The following TNS2 variants were observed in gnomAD, a reference collection of about 807,000 sequenced individuals.
TNS2 encodes tensin-2.
In TNS2, 77 loss-of-function variants were observed where a neutral mutation model predicts 155.7. That is an observed-to-expected ratio of 0.49 (90% CI 0.41 to 0.60). The LOEUF is 0.60. Among genes scored for constraint, TNS2 ranks in the 20% least tolerant of loss-of-function variants. TNS2 has a pLI of 0.00. For missense variants in TNS2, 1,703 were observed against 1,868.8 expected (o/e 0.91, Z 1.64); for synonymous variants, 726 against 763.9 (o/e 0.95, Z 0.82).
At position 53,061,946 on chromosome 12, in the gene TNS2, G is replaced by A; in HGVS notation, c.3574+6G>A. On this transcript the variant is annotated splice_donor_region_variant and intron_variant, in intron 22 of 28. Transcript: ENST00000314250. ...CAGTGCCCAGCCCTGGAAAGGTACA[G>A]AACACCCAAACCTGAGTGGGGTGGG... The A allele has an allele frequency of 6.2e-7, 1 of 1,611,014 alleles. No individual in the cohort carries two copies. Among genetic ancestry groups the A allele is most frequent in the East Asian group, 2.2e-5 (1 of 44,858 alleles).
chr12:53,062,113 G>A (rs1259192998), intron 22 of TNS2, 40 bp from the exon 23 acceptor site: 2 of 1,613,148 alleles, frequency 1.2e-6, no homozygotes, highest in Non-Finnish European at 8.5e-7. Flanking sequence ...GCTGGAACCT[G>A]GAATCCTAAA....
intron 22 of TNS2, 99 bp from the exon 23 acceptor site, chr12:53,062,054 G>T: frequency 6.2e-7 from 1 of 1,610,900 alleles, no homozygotes; most frequent in Non-Finnish European, 8.5e-7. Context: ...AGAGGGGAGA[G>T]GTAGGAAAAG....
At chr12:53,052,815 G>T (rs997779099) in intron 3 of TNS2, among the ~76,000 whole-genome samples, 2 of 151,896 alleles carry the variant, frequency 1.3e-5, no homozygotes, top group East Asian at 2.0e-4. Flanking sequence ...GGTGGGGAGT[G>T]GGGGAGCAGG....
Position 53,063,191 on chromosome 12 carries a change from C to G in TNS2, c.3926C>G (p.Pro1309Arg). Reference sequence around the variant, plus strand: ...GCAGCTCTGAGCTGTAGCCCCCGCCCGACACCAGCTGTTGTCCACTTCAAG... The same window carrying G: ...GCAGCTCTGAGCTGTAGCCCCCGCCGGACACCAGCTGTTGTCCACTTCAAG... ...SSAALSCSPR[P>R]TPAVVHFKVS... The change falls in exon 26 of 29, where the codon CCG becomes CGG. Residue 1309 changes from proline to arginine, a missense_variant. Transcript: ENST00000314250. This position sits in a 1 kb window ranked among gnomAD's most constrained non-coding sequence, Gnocchi z 5.6. The G allele has an allele frequency of 4.3e-6, 7 of 1,612,580 alleles. No individual in the cohort carries two copies. In the South Asian group the frequency reaches 7.7e-5, roughly 18 times the overall value.
upstream of TNS2, chr12:53,049,311 G>A (rs1460793519): frequency 5.0e-6 from 7 of 1,401,420 alleles, no homozygotes; most frequent in African/African-American, 1.0e-4. Context: ...GAGAGCCCAA[G>A]TTGCAGGGCT....
Position 53,055,550 on chromosome 12 carries a change from C to A in TNS2, c.574-18C>A, listed in dbSNP as rs1217741987. 1 of 1,589,016 alleles carries A rather than the reference C, an allele frequency of 6.3e-7. No individual in the cohort carries two copies. The highest frequency in any genetic ancestry group is 1.1e-5 in the South Asian group (1 of 87,920). On this transcript the variant is annotated intron_variant, in intron 8 of 28. Coordinates refer to ENST00000314250, the MANE Select transcript of TNS2 (RefSeq NM_170754.4). ...TTGGTGGCCCCCGGCCCCAGTTGCA[C>A]CCCTGCATTCTCCCCAGGTTCAAGA...
Position 53,063,046 on chromosome 12 carries a change from G to A in TNS2, c.3824-43G>A, listed in dbSNP as rs764334188. Reference sequence around the variant, plus strand: ...GTGCAAGAGCTGGTGGGGGTGGCTAGGGGATGGGCACTCCCTCCCTGACCC... The same window carrying A: ...GTGCAAGAGCTGGTGGGGGTGGCTAAGGGATGGGCACTCCCTCCCTGACCC... On this transcript the variant is annotated intron_variant, in intron 25 of 28. Transcript: ENST00000314250. The surrounding 1 kb of genome is among the most constrained non-coding windows in gnomAD (Gnocchi z 5.6). The A allele has an allele frequency of 2.0e-6, 3 of 1,506,410 alleles. No homozygotes were observed. The highest frequency in any genetic ancestry group is 2.3e-5 in the Admixed American group (1 of 44,160). 93.3% of individuals were successfully genotyped at this position (1,506,410 alleles called of 1,614,324 possible). A position where few individuals can be genotyped will look rare whatever the true frequency, so the allele number is the denominator to read the frequency against.
At position 53,057,638 on chromosome 12, in the gene TNS2, A is replaced by G. The variant is rs751706327; in HGVS notation, c.917A>G (p.Tyr306Cys). The change falls in exon 12 of 29, where the codon TAT becomes TGT. Residue 306 changes from tyrosine to cysteine, a missense_variant. Coordinates refer to ENST00000314250, the MANE Select transcript of TNS2 (RefSeq NM_170754.4). ...RMNSSPLFLH[Y>C]VLIPMLPAFE... Reference sequence around the variant, plus strand: ...AACAGCAGCCCTCTCTTCCTGCACTATGTGCTCATCCCCATGCTGCCAGCC... The same window carrying G: ...AACAGCAGCCCTCTCTTCCTGCACTGTGTGCTCATCCCCATGCTGCCAGCC... The G allele has an allele frequency of 1.1e-5, 18 of 1,613,924 alleles. No homozygotes were observed. The highest frequency in any genetic ancestry group is 1.4e-5 in the Non-Finnish European group (17 of 1,179,954).
chr12:53,061,752 C>G, intron 21 of TNS2, 63 bp from the exon 22 acceptor site: 1 of 1,562,768 alleles, frequency 6.4e-7, no homozygotes, highest in South Asian at 1.2e-5. Context: ...AGGGGGGCTG[C>G]ATGGGGCTCA....
rs780575928 is a variant in TNS2, at chr12:53,060,634, C to G, written c.2769-41C>G. 1.3e-6 allele frequency: 2 copies of G among 1,588,596 alleles called. No homozygotes were observed. The highest frequency in any genetic ancestry group is 3.4e-5 in the Admixed American group (2 of 59,416). ...AAGGCAGGTGGGGTGGGAGCAGCCA[C>G]AATGGGGGCTCTGCTGACCATCTGC... On this transcript the variant is annotated intron_variant, in intron 19 of 28. Transcript: ENST00000314250. The surrounding 1 kb of genome is among the most constrained non-coding windows in gnomAD (Gnocchi z 6.1).
chr12:53,055,941 TGA>T (rs1284723029), intron 10 of TNS2, 96 bp downstream of exon 10: 5 of 1,320,578 alleles, frequency 3.8e-6, no homozygotes, highest in Non-Finnish European at 5.2e-6. Flanking sequence ...ACCTCTTCGT[TGA>T]GAGTCCTTTG....
At chr12:53,048,956 C>A (rs1444857640), upstream of TNS2, 21 of 494,908 alleles carry the variant, frequency 4.2e-5, no homozygotes, top group Admixed American at 9.1e-4. Flanking sequence ...TTTGCACATT[C>A]TTTCAAGTGA....
At chr12:53,055,919 C>G (rs539978277) in intron 10 of TNS2, 74 bp downstream of exon 10, 2 of 1,478,444 alleles carry the variant, frequency 1.4e-6, no homozygotes, top group African/African-American at 1.4e-5. Context: ...GAACCCATCT[C>G]CCCTGGAGCC....
chr12:53,052,324 G>A, intron 2 of TNS2, 131 bp from the exon 3 acceptor site: 1 of 1,195,122 alleles, frequency 8.4e-7, no homozygotes, highest in Non-Finnish European at 1.2e-6. Context: ...CTCTGCCCCA[G>A]CCAGCCCAGT....
rs750244152 is a variant in TNS2, at chr12:53,057,660, A to C, written c.939A>C (p.Pro313=). 6 of 1,614,126 alleles carry C rather than the reference A, an allele frequency of 3.7e-6. No homozygotes were observed. Among genetic ancestry groups the C allele is most frequent in the Non-Finnish European group, 5.1e-6 (6 of 1,179,984 alleles). Residue 313 remains proline, a synonymous_variant, in exon 12 of 29, where the codon CCA becomes CCC. Coordinates refer to ENST00000314250, the MANE Select transcript of TNS2 (RefSeq NM_170754.4). ...ACTATGTGCTCATCCCCATGCTGCC[A>C]GCCTTTGAACCTGGCACAGGTGAGT... is the stretch of plus-strand genomic sequence containing the variant. ...FLHYVLIPML[P]AFEPGTGFQP...
Position 53,061,195 on chromosome 12 carries a change from C to G in TNS2, c.3289C>G (p.Pro1097Ala). The G allele has an allele frequency of 6.3e-7, 1 of 1,584,196 alleles. No individual in the cohort carries two copies. The highest frequency in any genetic ancestry group is 8.6e-7 in the Non-Finnish European group (1 of 1,165,790). ...CTGGGGCCCAGAGCAGGCATCATCG[C>G]CAGCCAGAGGCATCAGTCACCATGT... ...GPWGPEQASSPARGISHHVTF... is the reference protein window; with the variant it reads ...GPWGPEQASSAARGISHHVTF... The change falls in exon 20 of 29, where the codon CCA becomes GCA. Residue 1097 changes from proline to alanine, a missense_variant. Transcript: ENST00000314250.
intron 3 of TNS2, chr12:53,053,038 C>G (rs1313990488): frequency 5.6e-6 from 2 of 359,094 alleles, no homozygotes; most frequent in African/African-American, 2.1e-5. Flanking sequence ...GGAGGAGGAT[C>G]CCAGGGCCCT....
chr12:53,050,211 G>C lies in TNS2; in HGVS notation c.26G>C (p.Arg9Thr), dbSNP rs1347664428. 1 of 1,611,214 alleles carries C rather than the reference G, an allele frequency of 6.2e-7. No homozygotes were observed. Among genetic ancestry groups the C allele is most frequent in the Non-Finnish European group, 8.5e-7 (1 of 1,179,394 alleles). Residue 9 changes from arginine (R) to threonine (T), a missense_variant, in exon 1 of 29, where the codon AGG (arginine) becomes ACG (threonine). Arg to Thr is a moderately conservative substitution (Grantham distance 71). Transcript: ENST00000314250. This position sits in a 1 kb window ranked among gnomAD's most constrained non-coding sequence, Gnocchi z 4.7. MKSSGPVERLLRALGRRDS... is the reference protein window; with the variant it reads MKSSGPVETLLRALGRRDS... ...ATGAAGTCCAGCGGCCCTGTGGAGA[G>C]GCTGCTCAGAGCCCTGGGGAGGAGG...
At chr12:53,047,628 C>T (rs1425521883), upstream of TNS2, among the ~76,000 whole-genome samples, 2 of 151,754 alleles carry the variant, frequency 1.3e-5, no homozygotes, top group Non-Finnish European at 2.9e-5. Flanking sequence ...CTTCCAGCAC[C>T]CGGGGCGCAC....
Sources: gnomAD v4.1 joint callset for allele counts (sites outside exome capture counted in the v4.1 genomes callset) on GRCh38, gnomAD v4.1.1 for gene constraint, Gnocchi (gnomAD v3.1) non-coding constraint, MANE v1.5 for transcripts, NCBI Gene and HGNC (gene_info 2026-07-23, HGNC 2026-07-21) for gene names.